Variants in GAS2 observed in about 807,000 individuals in gnomAD.
GAS2 encodes the protein growth arrest specific 2.
In GAS2, 20 loss-of-function variants were observed where a neutral mutation model predicts 37.5. The ratio of observed to expected loss-of-function variants is 0.53; its 90% confidence interval spans 0.37 to 0.77. The LOEUF (loss-of-function observed/expected upper bound fraction) is 0.77, where lower values mean the gene tolerates loss of function less well. Among genes scored for constraint, GAS2 ranks in the 30% least tolerant of loss-of-function variants. GAS2 has a pLI of 0.00. For missense variants in GAS2, 336 were observed against 373.4 expected, an observed-to-expected ratio of 0.90 and a Z score of 0.82; for synonymous variants, 144 against 132.2, an observed-to-expected ratio of 1.09 and a Z score of -0.61.
chr11:22,640,801 A>G (rs1388463373), intron 1 of GAS2, among the ~76,000 whole-genome samples: 1 of 152,136 alleles, frequency 6.6e-6, no homozygotes, highest in East Asian at 1.9e-4. Context: ...TCTTTGGTTG[A>G]CTGCCTATGC....
In GAS2 at chr11:22,800,195, C is replaced by A. The variant is rs927325970; in HGVS notation, c.724-11603C>A. Among the ~76,000 whole-genome samples, 7 of 151,978 alleles carry A rather than the reference C, an allele frequency of 4.6e-5. No homozygotes were observed. The East Asian group carries it at 5.8e-4, about 13-fold the overall frequency. On this transcript the variant is annotated intron_variant, in intron 7 of 7. Coordinates refer to ENST00000454584, the MANE Select transcript of GAS2 (RefSeq NM_001143830.3). ...AGTAGCTGGGCTATAAAGTGCTTTG[C>A]GAGCCAGGTTACTTGTTCTTATGGA...
chr11:22,640,795 T>C (rs1336197344), intron 1 of GAS2, among the ~76,000 whole-genome samples: 1 of 152,178 alleles, frequency 6.6e-6, no homozygotes, highest in Non-Finnish European at 1.5e-5. Flanking sequence ...AAATGCTCTT[T>C]GGTTGACTGC....
At chr11:22,644,626 G>C (rs1848667822) in intron 1 of GAS2, among the ~76,000 whole-genome samples, 1 of 152,088 alleles carries the variant, frequency 6.6e-6, no homozygotes, top group Non-Finnish European at 1.5e-5. Flanking sequence ...GATTTTGTTT[G>C]TTTTTCATTT....
intron 1 of GAS2, among the ~76,000 whole-genome samples, chr11:22,660,492 A>G (rs917132383): frequency 6.6e-6 from 1 of 152,208 alleles, no homozygotes; most frequent in Non-Finnish European, 1.5e-5. Context: ...AGACATGCCT[A>G]TGAGAGAGTG....
chr11:22,749,351 T>C, intron 6 of GAS2, 90 bp downstream of exon 6: 1 of 1,165,906 alleles, frequency 8.6e-7, no homozygotes, highest in Non-Finnish European at 1.2e-6. Flanking sequence ...AGTCTAATCT[T>C]TACCTATATC....
chr11:22,651,027 A>T (rs1002476228), intron 1 of GAS2, among the ~76,000 whole-genome samples: 4 of 152,080 alleles, frequency 2.6e-5, no homozygotes, highest in Non-Finnish European at 5.9e-5. Flanking sequence ...TGGTCTTTAC[A>T]TTTTGGCATG....
At chr11:22,636,194 A>T (rs528380882) in intron 1 of GAS2, among the ~76,000 whole-genome samples, 1 of 152,156 alleles carries the variant, frequency 6.6e-6, no homozygotes, top group Admixed American at 6.5e-5. Flanking sequence ...TCTACACAGT[A>T]TTTTGTCTTT....
chr11:22,691,192 G>A (rs1346524729), intron 3 of GAS2, among the ~76,000 whole-genome samples: 1 of 152,022 alleles, frequency 6.6e-6, no homozygotes, highest in Non-Finnish European at 1.5e-5. Flanking sequence ...AATATTAACC[G>A]TCTAAATGTA....
intron 3 of GAS2, chr11:22,702,364 A>G (rs1590668044): frequency 6.6e-6 from 1 of 152,306 alleles, no homozygotes; most frequent in African/African-American, 2.4e-5. Context: ...TTAACAGAGG[A>G]TGAAGTTTGT....
intron 1 of GAS2, among the ~76,000 whole-genome samples, chr11:22,653,482 A>G (rs1261142629): frequency 6.6e-6 from 1 of 152,208 alleles, no homozygotes; most frequent in African/African-American, 2.4e-5. Flanking sequence ...AAAGGTATCA[A>G]GAAACTTTCT....
rs148852822 is a variant in GAS2, at chr11:22,802,332, T to C, written c.724-9466T>C. On this transcript the variant is annotated intron_variant, in intron 7 of 7. Coordinates refer to ENST00000454584, the MANE Select transcript of GAS2 (RefSeq NM_001143830.3). ...GTGGGGTGGAGGGAGGAGGGAGGGA[T>C]AGCATTAGGAGATATACCTAATGTA... 5.3e-3 allele frequency among the ~76,000 whole-genome samples: 806 copies of C among 151,842 alleles called. 13 individuals are homozygous for C. The highest frequency in any genetic ancestry group is 0.038 in the East Asian group (197 of 5,136).
intron 7 of GAS2, among the ~76,000 whole-genome samples, chr11:22,766,181 A>G (rs537169628): frequency 4.6e-5 from 7 of 152,074 alleles, no homozygotes; most frequent in African/African-American, 1.7e-4. Flanking sequence ...TGTATCATAT[A>G]CTATTTAATA....
At chr11:22,756,079 T>G in intron 7 of GAS2, 126 bp downstream of exon 7, 2 of 642,222 alleles carry the variant, frequency 3.1e-6, no homozygotes, top group South Asian at 4.0e-5. Context: ...ATGGTATGAA[T>G]TTTTTTAAAG....
chr11:22,755,257 A>T (rs945555194), intron 6 of GAS2, among the ~76,000 whole-genome samples: 1 of 152,140 alleles, frequency 6.6e-6, no homozygotes, highest in African/African-American at 2.4e-5. Flanking sequence ...GTAGGGTTTG[A>T]TAGGTAGGAA....
intron 7 of GAS2, among the ~76,000 whole-genome samples, chr11:22,798,664 G>A (rs1377718383): frequency 5.9e-5 from 9 of 151,992 alleles, no homozygotes; most frequent in East Asian, 1.9e-4. Context: ...ATTTGTAATC[G>A]CACGTAACTA....
chr11:22,682,659 C>T (rs1849735884), intron 2 of GAS2, among the ~76,000 whole-genome samples: 1 of 151,720 alleles, frequency 6.6e-6, no homozygotes, highest in East Asian at 1.9e-4. Context: ...GCGGGCAGAT[C>T]ACTAGGTCAA....
chr11:22,780,342 A>G (rs976316142), intron 7 of GAS2, among the ~76,000 whole-genome samples: 1 of 152,048 alleles, frequency 6.6e-6, no homozygotes, highest in Admixed American at 6.5e-5. Flanking sequence ...TAAAAATACA[A>G]AAATCAGCCA....
intron 1 of GAS2, among the ~76,000 whole-genome samples, chr11:22,633,548 T>G (rs1858774988): frequency 6.6e-6 from 1 of 152,224 alleles, no homozygotes; most frequent in Admixed American, 6.5e-5. Flanking sequence ...CAGTTCAGGC[T>G]TCAGGCCAGT....
intron 7 of GAS2, among the ~76,000 whole-genome samples, chr11:22,802,367 T>A (rs1856703292): frequency 6.6e-6 from 1 of 151,146 alleles, no homozygotes; most frequent in Non-Finnish European, 1.5e-5. Context: ...AAATGGGGAG[T>A]TAATGGGTGC....
Sources: allele counts gnomAD v4.1 joint callset (sites outside exome capture counted in the v4.1 genomes callset), GRCh38; gene constraint gnomAD v4.1.1; transcripts MANE v1.5; gene names NCBI Gene and HGNC (gene_info 2026-07-23, HGNC 2026-07-21).